Variants in PDE7B observed in about 807,000 individuals in gnomAD.
PDE7B encodes phosphodiesterase 7B, also known as 3',5'-cyclic-AMP phosphodiesterase 7B.
PDE7B carries 29 observed loss-of-function variants against 56.2 expected under a neutral mutation model. That is an observed-to-expected ratio of 0.52 (90% CI 0.38 to 0.70). The LOEUF (loss-of-function observed/expected upper bound fraction) is 0.70, where lower values mean the gene tolerates loss of function less well. Among genes scored for constraint, PDE7B ranks in the 30% least tolerant of loss-of-function variants. PDE7B has a pLI of 0.00. For synonymous variants in PDE7B, 197 were observed against 196.9 expected (o/e 1.00, Z 0.00); for missense variants, 490 against 565.0 (o/e 0.87, Z 1.35).
intron 2 of PDE7B, among the ~76,000 whole-genome samples, chr6:136,052,225 C>G (rs899874740): frequency 6.6e-6 from 1 of 152,100 alleles, no homozygotes; most frequent in Non-Finnish European, 1.5e-5. Flanking sequence ...AGAAGAGTTA[C>G]GCAAAGCAGT....
chr6:136,128,678 C>T (rs1292288205), intron 3 of PDE7B, among the ~76,000 whole-genome samples: 1 of 152,056 alleles, frequency 6.6e-6, no homozygotes, highest in Non-Finnish European at 1.5e-5. Context: ...TAGGCCCTGC[C>T]CTCAAGGAAC....
At chr6:135,964,673 T>C (rs1395596027) in intron 2 of PDE7B, among the ~76,000 whole-genome samples, 1 of 152,088 alleles carries the variant, frequency 6.6e-6, no homozygotes, top group Non-Finnish European at 1.5e-5. Flanking sequence ...TAATGATGGA[T>C]TTGTCCAGTA....
intron 2 of PDE7B, among the ~76,000 whole-genome samples, chr6:136,045,981 C>A (rs1776497758): frequency 6.7e-6 from 1 of 150,084 alleles, no homozygotes; most frequent in African/African-American, 2.4e-5. Flanking sequence ...TTCTCCAAAT[C>A]TTTTTGGATG....
intron 1 of PDE7B, among the ~76,000 whole-genome samples, chr6:135,854,345 TA>T (rs951003940): frequency 2.0e-5 from 3 of 152,208 alleles, no homozygotes; most frequent in African/African-American, 7.2e-5. Context: ...TTGAAACATC[TA>T]AATGTAGAAG....
chr6:135,917,645 T>A (rs7749030), intron 1 of PDE7B, among the ~76,000 whole-genome samples: 56,773 of 151,992 alleles, frequency 0.37, 11,934 homozygotes, highest in African/African-American at 0.57. Flanking sequence ...AATTTTTCAT[T>A]TCCTTTGCAC....
intron 2 of PDE7B, among the ~76,000 whole-genome samples, chr6:136,074,880 TGTGCACATGGGA>T (rs754776957): frequency 1.1e-4 from 16 of 152,206 alleles, no homozygotes; most frequent in Non-Finnish European, 2.2e-4. Flanking sequence ...ATAGTGCTGC[TGTGCACATGGGA>T]GTGCAGGGAG....
chr6:136,012,091 G>A (rs9402782), intron 2 of PDE7B, among the ~76,000 whole-genome samples: 43,223 of 151,812 alleles, frequency 0.28, 7,455 homozygotes, highest in Admixed American at 0.41. Context: ...ACTTGCCCTG[G>A]CTCAAACTAT....
chr6:135,956,087 C>A (rs1156805689), intron 2 of PDE7B, among the ~76,000 whole-genome samples: 1 of 152,006 alleles, frequency 6.6e-6, no homozygotes, highest in African/African-American at 2.4e-5. Context: ...GAAGCATCCC[C>A]AAAAGGGTTG....
chr6:136,004,504 G>A (rs1425380751), intron 2 of PDE7B, among the ~76,000 whole-genome samples: 2 of 152,086 alleles, frequency 1.3e-5, no homozygotes, highest in African/African-American at 4.8e-5. Context: ...CTTCAGCAAA[G>A]TCTCAGGATA....
intron 2 of PDE7B, among the ~76,000 whole-genome samples, chr6:136,047,731 A>G (rs1240703241): frequency 6.6e-6 from 1 of 152,210 alleles, no homozygotes; most frequent in East Asian, 1.9e-4. Context: ...ACTTCTATTT[A>G]CTGGTTATTT....
chr6:136,100,274 T>C (rs1466326882), intron 2 of PDE7B, among the ~76,000 whole-genome samples: 1 of 152,212 alleles, frequency 6.6e-6, no homozygotes, highest in African/African-American at 2.4e-5. Context: ...GTTGGTTCCA[T>C]ATGAAATTGA....
At chr6:135,917,592 T>G (rs1336694868) in intron 1 of PDE7B, among the ~76,000 whole-genome samples, 1 of 151,682 alleles carries the variant, frequency 6.6e-6, no homozygotes, top group Non-Finnish European at 1.5e-5. Context: ...CTGCCTCTAT[T>G]GATTTGTTGT....
At chr6:135,909,430 T>C (rs1776172663) in intron 1 of PDE7B, among the ~76,000 whole-genome samples, 1 of 152,020 alleles carries the variant, frequency 6.6e-6, no homozygotes, top group Admixed American at 6.6e-5. Flanking sequence ...GCCTGGCCAA[T>C]GTGGCGAAAC....
chr6:135,968,463 AAAATT>A (rs1775037041), intron 2 of PDE7B, among the ~76,000 whole-genome samples: 1 of 152,172 alleles, frequency 6.6e-6, no homozygotes, highest in South Asian at 2.1e-4. Context: ...TGCAAGAAAA[AAAATT>A]AAGAAAGTGG....
At chr6:136,173,728 T>C in intron 8 of PDE7B, 69 bp from the exon 9 acceptor site, 1 of 1,008,704 alleles carries the variant, frequency 9.9e-7, no homozygotes, top group Non-Finnish European at 1.6e-6. Flanking sequence ...TCCGTGGAGC[T>C]GTGTTCAGCA....
chr6:136,020,534 C>T (rs1776054735), intron 2 of PDE7B, among the ~76,000 whole-genome samples: 1 of 152,160 alleles, frequency 6.6e-6, no homozygotes, highest in Non-Finnish European at 1.5e-5. Flanking sequence ...TACCATCTCT[C>T]TGAGACAGGA....
At chr6:136,009,693 G>C (rs1775854398) in intron 2 of PDE7B, among the ~76,000 whole-genome samples, 1 of 152,188 alleles carries the variant, frequency 6.6e-6, no homozygotes, top group Non-Finnish European at 1.5e-5. Flanking sequence ...TGTATCCTGA[G>C]ACTTTGCTGA....
chr6:136,081,607 TTC>T (rs1188673514), intron 2 of PDE7B, among the ~76,000 whole-genome samples: 1 of 152,206 alleles, frequency 6.6e-6, no homozygotes, highest in East Asian at 1.9e-4. Context: ...CGCATTAGTG[TTC>T]TGTTTTCTAG....
chr6:136,014,960 G>C (rs530590247), intron 2 of PDE7B, among the ~76,000 whole-genome samples: 1 of 152,208 alleles, frequency 6.6e-6, no homozygotes, highest in Non-Finnish European at 1.5e-5. Flanking sequence ...TATGAGAGCT[G>C]CAAGGAATTC....
Sources: gnomAD v4.1 joint callset for allele counts (sites outside exome capture counted in the v4.1 genomes callset) on GRCh38, gnomAD v4.1.1 for gene constraint, MANE v1.5 for transcripts, NCBI Gene and HGNC (gene_info 2026-07-23, HGNC 2026-07-21) for gene names.